FGD4: variants seen among roughly 807,000 people sequenced by gnomAD.
The protein encoded by FGD4 is FYVE, RhoGEF and PH domain containing 4, also known as FYVE, RhoGEF and PH domain-containing protein 4.
In FGD4, 42 loss-of-function variants were observed where a neutral mutation model predicts 102.0. The ratio of observed to expected loss-of-function variants is 0.41; its 90% CI spans 0.32 to 0.53. The LOEUF is 0.53. FGD4 is among the 20% of genes least tolerant of loss of function. The probability of loss-of-function intolerance (pLI) is 0.21; values close to 1 mark genes in which losing one functional copy is unlikely to be tolerated. For synonymous variants in FGD4, 380 were observed against 375.7 expected, an observed-to-expected ratio of 1.01 and a Z score of -0.13; for missense variants, 902 against 1,078.2, an observed-to-expected ratio of 0.84 and a Z score of 2.29.
intron 1 of FGD4, among the ~76,000 whole-genome samples, chr12:32,444,498 G>A (rs1046188350): frequency 3.3e-5 from 5 of 151,942 alleles, no homozygotes; most frequent in African/African-American, 7.3e-5. Flanking sequence ...TCCGTCTCCC[G>A]GGTTCAAGTG....
intron 1 of FGD4, among the ~76,000 whole-genome samples, chr12:32,470,457 CTTTTTCTTTTTTTTT>C (rs1171281953): frequency 6.9e-6 from 1 of 144,574 alleles, no homozygotes; most frequent in African/African-American, 2.5e-5. Flanking sequence ...TTTCTTTTTT[CTTTTTCTTTTTTTTT>C]TTTTTTTTTG....
rs551481786 is a variant in FGD4 at position 32,602,148 on chromosome 12, A to G, written c.1248-13A>G. ...ATTTTTTTTAAAGACTTGTTTTTCT[A>G]TATTTGATACAGGGAAACTACTCCT... On this transcript the variant is annotated splice_polypyrimidine_tract_variant and intron_variant, in intron 6 of 16. Transcript: ENST00000534526. 4.1e-5 allele frequency: 66 copies of G among 1,613,386 alleles called. 1 individual carries two copies. The highest frequency in any genetic ancestry group is 5.4e-5 in the Non-Finnish European group (64 of 1,179,880).
Position 32,640,380 on chromosome 12 carries a change from C to T in FGD4, c.2559C>T (p.Ser853=), listed in dbSNP as rs373371535. 20 of 1,614,162 alleles carry T rather than the reference C, an allele frequency of 1.2e-5. No homozygotes were observed. The Admixed American group carries it at 1.3e-4, about 11-fold the overall frequency. Reference sequence around the variant, plus strand: ...GTTTCAAACTGACCCAGTCTAAGTCCGTGCACAGCTTTGCTGCAGACAGTG... The same window carrying T: ...GTTTCAAACTGACCCAGTCTAAGTCTGTGCACAGCTTTGCTGCAGACAGTG... ...PHSFKLTQSK[S]VHSFAADSEE... The change falls in exon 17 of 17, where the codon TCC becomes TCT. Residue 853 remains serine, a synonymous_variant. Transcript: ENST00000534526.
At chr12:32,527,152 G>A (rs1941327425) in intron 1 of FGD4, among the ~76,000 whole-genome samples, 1 of 152,136 alleles carries the variant, frequency 6.6e-6, no homozygotes, top group Non-Finnish European at 1.5e-5. Flanking sequence ...GAATACTTGT[G>A]CAGATATGGA....
At position 32,608,834 on chromosome 12, in the gene FGD4, A is replaced by G. The variant is rs557861148; in HGVS notation, c.1543+739A>G. Among the ~76,000 whole-genome samples the G allele has an allele frequency of 4.6e-5, 7 of 152,302 alleles. No homozygotes were observed. The East Asian group carries it at 1.3e-3, about 29-fold the overall frequency. The stretch of plus-strand genomic sequence containing the variant: ...AATTTCTTGTTTTCTGTCATAAGTG[A>G]ACCTGGATGAGAGACGAAGTACGTA... On this transcript the variant is annotated intron_variant, in intron 8 of 16. Transcript: ENST00000534526.
At chr12:32,473,736 A>G (rs1943503003) in intron 1 of FGD4, among the ~76,000 whole-genome samples, 1 of 152,290 alleles carries the variant, frequency 6.6e-6, no homozygotes, top group Non-Finnish European at 1.5e-5. Context: ...CCACCCCAAC[A>G]TATAATGGTA....
At chr12:32,620,520 C>CTTTTTTTTTTT (rs1233071153) in intron 11 of FGD4, among the ~76,000 whole-genome samples, 3 of 91,134 alleles carry the variant, frequency 3.3e-5, no homozygotes, top group African/African-American at 9.3e-5. Flanking sequence ...TTTTTTCTTT[C>CTTTTTTTTTTT]TTTTTTTTTT....
chr12:32,496,441 A>G (rs1937823238), intron 1 of FGD4, among the ~76,000 whole-genome samples: 2 of 151,992 alleles, frequency 1.3e-5, no homozygotes, highest in African/African-American at 2.4e-5. Flanking sequence ...CCTCTCCCCA[A>G]CCCCCTACAA....
At position 32,580,126 on chromosome 12, in the gene FGD4, A is replaced by G. The variant is rs556835173; in HGVS notation, c.504-1834A>G. 1.2e-4 allele frequency among the ~76,000 whole-genome samples: 19 copies of G among 152,206 alleles called. No homozygotes were observed. In the South Asian group the frequency reaches 3.1e-3, roughly 25 times the overall value. ...TTCTGTCCTTCTGCTCCAGTACATC[A>G]TAACTTGGGGTGAAGACCATGGGAT... On this transcript the variant is annotated intron_variant, in intron 3 of 16. Coordinates refer to ENST00000534526, the MANE Select transcript of FGD4 (RefSeq NM_001370298.3).
At chr12:32,556,319 A>C (rs1218403961) in intron 1 of FGD4, among the ~76,000 whole-genome samples, 1 of 152,118 alleles carries the variant, frequency 6.6e-6, no homozygotes, top group Admixed American at 6.5e-5. Flanking sequence ...TTAAATGTAC[A>C]TTTCACTGTC....
At chr12:32,466,732 G>C (rs1943260939) in intron 1 of FGD4, among the ~76,000 whole-genome samples, 1 of 152,002 alleles carries the variant, frequency 6.6e-6, no homozygotes, top group Admixed American at 6.6e-5. Context: ...GCCAGGCGTG[G>C]TGGCGCATGC....
chr12:32,573,798 A>G (rs752975594), intron 2 of FGD4, among the ~76,000 whole-genome samples: 3 of 152,208 alleles, frequency 2.0e-5, no homozygotes, highest in Non-Finnish European at 4.4e-5. Flanking sequence ...CAACATCATT[A>G]AAGTGCCTCT....
chr12:32,598,585 A>G lies in FGD4; in HGVS notation c.1100A>G (p.Gln367Arg), dbSNP rs1948094186. The change falls in exon 5 of 17, where the codon CAG (glutamine) becomes CGG (arginine). Residue 367 changes from glutamine (Q) to arginine (R), a missense_variant and splice_region_variant. Around this residue, in one of 2 missense-constraint regions of FGD4, gnomAD observed 443 missense variants for 459.2 expected, o/e 0.96. Coordinates refer to ENST00000534526, the MANE Select transcript of FGD4 (RefSeq NM_001370298.3). ...GTCAACCGACTTGACCTCTTAGATCAGGTAAGATTTTCTTTCTCAGAATTA... is the reference window on the plus strand; with the variant it reads ...GTCAACCGACTTGACCTCTTAGATCGGGTAAGATTTTCTTTCTCAGAATTA... ...AYVNRLDLLDQVFYCKLLEEA... is the reference protein window; with the variant it reads ...AYVNRLDLLDRVFYCKLLEEA... The G allele has an allele frequency of 1.2e-6, 2 of 1,609,864 alleles. No homozygotes were observed. Among genetic ancestry groups the G allele is most frequent in the East Asian group, 2.2e-5 (1 of 44,796 alleles).
intron 1 of FGD4, among the ~76,000 whole-genome samples, chr12:32,415,100 T>G (rs1766709493): frequency 6.6e-6 from 1 of 152,194 alleles, no homozygotes; most frequent in Non-Finnish European, 1.5e-5. Flanking sequence ...CCAAAATTCC[T>G]CTTGTTATTT....
intron 5 of FGD4, among the ~76,000 whole-genome samples, chr12:32,599,534 C>CTT (rs764106230): frequency 0.16 from 5,714 of 35,308 alleles, 2,113 homozygotes; most frequent in East Asian, 0.24. Context: ...ACTAAGGCAT[C>CTT]TTTTTTTTTT....
chr12:32,428,553 C>T (rs868275074), intron 1 of FGD4, among the ~76,000 whole-genome samples: 2 of 152,052 alleles, frequency 1.3e-5, no homozygotes, highest in Admixed American at 1.3e-4. Context: ...TGGGGTCGCT[C>T]TTCTCGAGGA....
rs1262860361 is a variant in FGD4, at chr12:32,642,703, A to G, written c.*2170A>G. ...TTTTTAAATGAGAAGCATTAATACT[A>G]GAAGAGAATTTCTGGTTATCCGGTC... On this transcript the variant is annotated 3_prime_UTR_variant, in exon 17 of 17. Coordinates refer to ENST00000534526, the MANE Select transcript of FGD4 (RefSeq NM_001370298.3). 2 of 152,074 alleles carry G rather than the reference A, an allele frequency of 1.3e-5. No homozygotes were observed. The highest frequency in any genetic ancestry group is 2.9e-5 in the Non-Finnish European group (2 of 67,946). The allele number at this position is 152,074 out of a possible 1,614,324, so 9.4% of individuals were successfully genotyped here.
intron 1 of FGD4, among the ~76,000 whole-genome samples, chr12:32,401,347 C>T (rs1940654080): frequency 6.6e-6 from 1 of 152,112 alleles, no homozygotes; most frequent in Non-Finnish European, 1.5e-5. Flanking sequence ...GCAACCTCTG[C>T]CTCCCGGGTT....
chr12:32,635,271 A>G (rs1371578441), intron 15 of FGD4, among the ~76,000 whole-genome samples: 1 of 152,186 alleles, frequency 6.6e-6, no homozygotes, highest in East Asian at 1.9e-4. Context: ...GAGCCTCAAG[A>G]CTTAATAGCG....
Sources: allele counts gnomAD v4.1 joint callset (sites outside exome capture counted in the v4.1 genomes callset), GRCh38; gene constraint gnomAD v4.1.1; regional missense constraint gnomAD v4.1.1; transcripts MANE v1.5; gene names NCBI Gene and HGNC (gene_info 2026-07-23, HGNC 2026-07-21).